Variants in WASF3 observed in about 807,000 individuals in gnomAD.
WASF3 encodes actin-binding protein WASF3.
Under a neutral mutation model 46.6 loss-of-function variants are expected in WASF3, and 11 were observed. The ratio of observed to expected loss-of-function variants is 0.24; its 90% CI spans 0.15 to 0.39. The LOEUF is 0.39. Among genes scored for constraint, WASF3 ranks in the 10% least tolerant of loss-of-function variants. The pLI, the probability that WASF3 is intolerant of heterozygous loss-of-function variation, is 1.00. For synonymous variants in WASF3, 242 were observed against 259.7 expected (o/e 0.93, Z 0.65); for missense variants, 576 against 669.8 (o/e 0.86, Z 1.55).
intron 2 of WASF3, among the ~76,000 whole-genome samples, chr13:26,622,083 A>G (rs966151946): frequency 2.6e-5 from 4 of 152,178 alleles, no homozygotes; most frequent in African/African-American, 9.7e-5. Flanking sequence ...CATCTGCAGT[A>G]TACACACATT....
intron 2 of WASF3, among the ~76,000 whole-genome samples, chr13:26,634,847 C>A (rs565284218): frequency 2.6e-5 from 4 of 152,270 alleles, no homozygotes; most frequent in Non-Finnish European, 5.9e-5. Context: ...GGTTTCTGTC[C>A]AGAGATCCAC....
At chr13:26,670,331 A>G (rs1295796473) in intron 5 of WASF3, among the ~76,000 whole-genome samples, 1 of 150,986 alleles carries the variant, frequency 6.6e-6, no homozygotes, top group Non-Finnish European at 1.5e-5. Flanking sequence ...GGAACATCAC[A>G]TACCGGGCCT....
chr13:26,615,948 TCATTC>T (rs769182970), intron 2 of WASF3, among the ~76,000 whole-genome samples: 1 of 152,252 alleles, frequency 6.6e-6, no homozygotes, highest in Non-Finnish European at 1.5e-5. Context: ...TATCAGTAGT[TCATTC>T]CATGTTATCA....
At chr13:26,564,620 T>C (rs1401469580) in intron 1 of WASF3, among the ~76,000 whole-genome samples, 1 of 152,246 alleles carries the variant, frequency 6.6e-6, no homozygotes, top group Admixed American at 6.5e-5. Flanking sequence ...TGAAATTATA[T>C]TGCAGTACCA....
At chr13:26,652,163 T>G (rs1308181532) in intron 3 of WASF3, among the ~76,000 whole-genome samples, 1 of 152,152 alleles carries the variant, frequency 6.6e-6, no homozygotes, top group Non-Finnish European at 1.5e-5. Context: ...TACATGCATT[T>G]TGAGGATGAA....
chr13:26,539,368 C>T, the WASF3 span, among the ~76,000 whole-genome samples: 1 of 152,092 alleles, frequency 6.6e-6, no homozygotes, highest in African/African-American at 2.4e-5. Flanking sequence ...GAACCAGGGA[C>T]CCAGGGAGAA....
intron 2 of WASF3, among the ~76,000 whole-genome samples, chr13:26,629,591 C>T (rs562794301): frequency 9.9e-5 from 15 of 152,276 alleles, no homozygotes; most frequent in South Asian, 2.1e-4. Flanking sequence ...GGCTTTCCTT[C>T]CTCCTTCCCC....
intron 1 of WASF3, among the ~76,000 whole-genome samples, chr13:26,570,934 C>T (rs142893539): frequency 2.2e-4 from 34 of 152,146 alleles, no homozygotes; most frequent in African/African-American, 6.3e-4. Flanking sequence ...TGTGAGTGCC[C>T]GTTTCTTTAT....
chr13:26,603,053 A>T (rs185503298), intron 1 of WASF3, among the ~76,000 whole-genome samples: 140 of 152,286 alleles, frequency 9.2e-4, no homozygotes, highest in Non-Finnish European at 1.4e-3. Flanking sequence ...GGAAGGCGAT[A>T]AGGGCCCATG....
At chr13:26,664,175 CT>C (rs577450749) in intron 3 of WASF3, among the ~76,000 whole-genome samples, 8 of 152,198 alleles carry the variant, frequency 5.3e-5, no homozygotes, top group Non-Finnish European at 1.0e-4. Flanking sequence ...ATGAAGTTTT[CT>C]TCCTGGGAGG....
rs767467136 is a variant in WASF3, at chr13:26,680,150, CA to C, written c.717-901del. 3.8e-6 allele frequency: 6 copies of C among 1,596,850 alleles called. No homozygotes were observed. The Admixed American group carries it at 1.0e-4, about 27-fold the overall frequency. On this transcript the variant is annotated intron_variant, in intron 7 of 9. Transcript: ENST00000335327. ...ATGGGCATTGAGTTTATGAGTGACG[CA>C]AAGAAACTGGAGCAGGCAGGGAGCG...
intron 1 of WASF3, among the ~76,000 whole-genome samples, chr13:26,602,837 T>C (rs766551073): frequency 6.2e-4 from 94 of 152,238 alleles, no homozygotes; most frequent in Non-Finnish European, 8.8e-4. Context: ...TTTGATAATG[T>C]ACAGATTTTC....
chr13:26,586,599 T>G (rs936651309), intron 1 of WASF3, among the ~76,000 whole-genome samples: 12 of 152,172 alleles, frequency 7.9e-5, no homozygotes, highest in African/African-American at 2.9e-4. Flanking sequence ...TTGTCTGTCT[T>G]TGTTTGCTTT....
intron 2 of WASF3, among the ~76,000 whole-genome samples, chr13:26,618,613 A>G (rs1035496508): frequency 1.3e-5 from 2 of 151,926 alleles, no homozygotes; most frequent in African/African-American, 4.8e-5. Flanking sequence ...CACTCCATAT[A>G]TATATTTATC....
chr13:26,609,092 C>G (rs951151541), intron 1 of WASF3, among the ~76,000 whole-genome samples: 1 of 152,112 alleles, frequency 6.6e-6, no homozygotes, highest in Admixed American at 6.5e-5. Context: ...AATCCAAATA[C>G]AATCAGATTA....
chr13:26,548,099 C>T, the WASF3 span, among the ~76,000 whole-genome samples: 6 of 152,168 alleles, frequency 3.9e-5, no homozygotes, highest in African/African-American at 7.2e-5. Context: ...TTCTGGTTTT[C>T]GGATTCTCAT....
chr13:26,685,020 C>T (rs1196791648), intron 9 of WASF3, among the ~76,000 whole-genome samples: 1 of 150,232 alleles, frequency 6.7e-6, no homozygotes, highest in Non-Finnish European at 1.5e-5. Context: ...CCCAGGAGGT[C>T]GAGGCTGCAG....
chr13:26,591,487 G>A (rs1880292440), intron 1 of WASF3, among the ~76,000 whole-genome samples: 1 of 152,118 alleles, frequency 6.6e-6, no homozygotes, highest in Non-Finnish European at 1.5e-5. Context: ...GGATCTGACA[G>A]TGAGGGAGGG....
At chr13:26,597,419 G>A (rs897256753) in intron 1 of WASF3, among the ~76,000 whole-genome samples, 10 of 152,158 alleles carry the variant, frequency 6.6e-5, no homozygotes, top group Non-Finnish European at 1.3e-4. Context: ...ACAGGCGTGA[G>A]CCACCACGCC....
Sources: gnomAD v4.1 joint callset for allele counts (sites outside exome capture counted in the v4.1 genomes callset) on GRCh38, gnomAD v4.1.1 for gene constraint, MANE v1.5 for transcripts, NCBI Gene and HGNC (gene_info 2026-07-23, HGNC 2026-07-21) for gene names.